ICA1: variants seen among roughly 807,000 people sequenced by gnomAD.
The protein encoded by ICA1 is 69 kDa islet cell autoantigen.
In ICA1, 40 loss-of-function variants were observed where a neutral mutation model predicts 71.0. The observed-to-expected ratio is 0.56, with a 90% CI of 0.44 to 0.73. ICA1 has a LOEUF of 0.73. Ranked by LOEUF, ICA1 falls within the 30% of genes least tolerant of loss-of-function variation. ICA1 has a pLI of 0.00. For missense variants in ICA1, 578 were observed against 576.5 expected, an observed-to-expected ratio of 1.00 and a Z score of -0.03; for synonymous variants, 207 against 209.5, an observed-to-expected ratio of 0.99 and a Z score of 0.10.
chr7:8,161,531 T>A (rs563918326), intron 6 of ICA1, among the ~76,000 whole-genome samples: 1 of 152,338 alleles, frequency 6.6e-6, no homozygotes, highest in East Asian at 1.9e-4. Context: ...TTAACAAATG[T>A]AATGAAACTG....
intron 6 of ICA1, among the ~76,000 whole-genome samples, chr7:8,180,624 T>C (rs1338944979): frequency 6.6e-6 from 1 of 152,184 alleles, no homozygotes; most frequent in Non-Finnish European, 1.5e-5. Context: ...TGATAGTTCC[T>C]GTTCCTTCAC....
chr7:8,180,442 G>C (rs1562871175), intron 6 of ICA1, among the ~76,000 whole-genome samples: 1 of 152,130 alleles, frequency 6.6e-6, no homozygotes, highest in African/African-American at 2.4e-5. Context: ...ATGGACATTT[G>C]GTTTACTTTC....
At chr7:8,116,887 C>T (rs1584109124) in intron 13 of ICA1, among the ~76,000 whole-genome samples, 2 of 152,152 alleles carry the variant, frequency 1.3e-5, no homozygotes, top group East Asian at 3.8e-4. Context: ...TAACTTTATG[C>T]CCCCCATTAC....
intron 6 of ICA1, among the ~76,000 whole-genome samples, chr7:8,192,523 G>T (rs1010547610): frequency 1.3e-5 from 2 of 152,172 alleles, no homozygotes; most frequent in Non-Finnish European, 2.9e-5. Context: ...TTCTCCATTT[G>T]AGTTACTATT....
chr7:8,176,356 G>A (rs999320642), intron 6 of ICA1, among the ~76,000 whole-genome samples: 1 of 152,162 alleles, frequency 6.6e-6, no homozygotes, highest in Non-Finnish European at 1.5e-5. Context: ...CCGCTTAAGG[G>A]TTTGCTCCTC....
At chr7:8,194,495 A>G (rs2128307996) in intron 6 of ICA1, among the ~76,000 whole-genome samples, 1 of 152,332 alleles carries the variant, frequency 6.6e-6, no homozygotes, top group Admixed American at 6.5e-5. Context: ...TTACCATTTT[A>G]GCTTAATTAA....
intron 8 of ICA1, among the ~76,000 whole-genome samples, chr7:8,150,888 C>A (rs778958932): frequency 1.3e-5 from 2 of 152,256 alleles, no homozygotes; most frequent in Non-Finnish European, 2.9e-5. Flanking sequence ...CATGGCCCTG[C>A]TGGGGAAGGC....
At chr7:8,147,212 A>C (rs12702700) in intron 8 of ICA1, among the ~76,000 whole-genome samples, 3 of 151,982 alleles carry the variant, frequency 2.0e-5, no homozygotes, top group African/African-American at 7.3e-5. Context: ...CTCCAGCCTG[A>C]CCTCCCCTCA....
chr7:8,152,512 T>C (rs1015941073), intron 8 of ICA1, among the ~76,000 whole-genome samples: 4 of 142,784 alleles, frequency 2.8e-5, no homozygotes, highest in Admixed American at 7.0e-5. Context: ...CCACCACCAC[T>C]ACCACTCACC....
chr7:8,176,540 C>T (rs1780686619), intron 6 of ICA1, among the ~76,000 whole-genome samples: 1 of 152,180 alleles, frequency 6.6e-6, no homozygotes, highest in African/African-American at 2.4e-5. Flanking sequence ...AACCACAGCA[C>T]TCAATTTTCT....
rs199564940 is a variant in ICA1 at position 8,210,649 on chromosome 7, G to A, written c.579+7656C>T. Among the ~76,000 whole-genome samples, 18 of 150,414 alleles carry A rather than the reference G, an allele frequency of 1.2e-4. No homozygotes were observed. In the East Asian group the frequency reaches 2.7e-3, roughly 23 times the overall value. On this transcript the variant is annotated intron_variant, in intron 6 of 13. Coordinates refer to ENST00000402384, the MANE Select transcript of ICA1 (RefSeq NM_001136020.3). ...CCAACTAAAAGTAGACCACAGAGGG[G>A]AAAAAAAAATCCCTGAACACAAAGG...
chr7:8,262,058 C>G (rs974858954), intron 1 of ICA1, 36 bp downstream of exon 1: 1 of 152,186 alleles, frequency 6.6e-6, no homozygotes, highest in Non-Finnish European at 1.5e-5. Flanking sequence ...GCAGCCCGCC[C>G]GGCGCGCCCC....
chr7:8,194,540 C>T (rs1027094063), intron 6 of ICA1, among the ~76,000 whole-genome samples: 5 of 152,154 alleles, frequency 3.3e-5, no homozygotes, highest in Non-Finnish European at 4.4e-5. Flanking sequence ...ACTTAAAAGT[C>T]CCTTGAGCCA....
intron 1 of ICA1, among the ~76,000 whole-genome samples, chr7:8,239,691 C>A (rs1803095775): frequency 6.6e-6 from 1 of 152,216 alleles, no homozygotes. Context: ...GACACTGCCG[C>A]CCAAATACTG....
At chr7:8,258,943 A>C (rs3779356) in intron 1 of ICA1, among the ~76,000 whole-genome samples, 62,140 of 151,980 alleles carry the variant, frequency 0.41, 13,617 homozygotes, top group East Asian at 0.61. Context: ...GTTGAGTATC[A>C]CATAAGATCA....
chr7:8,218,195 T>C (rs1353366582), intron 6 of ICA1, 110 bp downstream of exon 6: 2 of 870,702 alleles, frequency 2.3e-6, no homozygotes, highest in Non-Finnish European at 1.9e-6. Flanking sequence ...CGATGATTAA[T>C]TGCATCCTTG....
rs1381917402 is a variant in ICA1, at chr7:8,235,996, A to G, written c.-70T>C. Reference sequence around the variant, plus strand: ...GGAAAAAAGCATGAGAGGATAAGTTATATTATAACCTGAAATAAAACAAAT... The same window carrying G: ...GGAAAAAAGCATGAGAGGATAAGTTGTATTATAACCTGAAATAAAACAAAT... On this transcript the variant is annotated 5_prime_UTR_variant, in exon 2 of 14. The change abolishes the stop of an existing upstream ORF in the 5' untranslated region. Coordinates refer to ENST00000402384, the MANE Select transcript of ICA1 (RefSeq NM_001136020.3). 5 of 1,478,604 alleles carry G rather than the reference A, an allele frequency of 3.4e-6. No individual in the cohort carries two copies. Among genetic ancestry groups the G allele is most frequent in the Non-Finnish European group, 4.7e-6 (5 of 1,062,888 alleles). 91.6% of individuals were successfully genotyped at this position (1,478,604 alleles called of 1,614,324 possible). A position where few individuals can be genotyped will look rare whatever the true frequency, so the allele number is the denominator to read the frequency against.
At chr7:8,244,109 T>G (rs901444188) in intron 1 of ICA1, among the ~76,000 whole-genome samples, 3 of 152,214 alleles carry the variant, frequency 2.0e-5, no homozygotes, top group African/African-American at 7.2e-5. Context: ...AAGACAATCC[T>G]GGGCAAGAAG....
intron 6 of ICA1, among the ~76,000 whole-genome samples, chr7:8,163,550 C>A (rs1314632979): frequency 6.6e-6 from 1 of 152,160 alleles, no homozygotes; most frequent in Non-Finnish European, 1.5e-5. Flanking sequence ...TAACTATGAA[C>A]TGAGTGAGGT....
Sources: allele counts gnomAD v4.1 joint callset (sites outside exome capture counted in the v4.1 genomes callset), GRCh38; gene constraint gnomAD v4.1.1; transcripts MANE v1.5; gene names NCBI Gene and HGNC (gene_info 2026-07-23, HGNC 2026-07-21).